Variants in TNFSF4 observed in about 807,000 individuals in gnomAD.
TNFSF4 encodes tumor necrosis factor ligand superfamily member 4.
A neutral mutation model predicts 7.3 loss-of-function variants in TNFSF4; 4 were observed. The observed-to-expected ratio is 0.55, with a 90% CI of 0.27 to 1.25. TNFSF4 has a LOEUF of 1.25. Ranked by LOEUF, TNFSF4 falls within the 50% of genes most tolerant of loss-of-function variation. The probability of loss-of-function intolerance (pLI) is 0.12; values close to 1 mark genes in which losing one functional copy is unlikely to be tolerated. For synonymous variants in TNFSF4, 76 were observed against 83.7 expected (o/e 0.91, Z 0.50); for missense variants, 181 against 208.8 (o/e 0.87, Z 0.82).
At chr1:173,198,504 A>C (rs1204871288) in intron 1 of TNFSF4, among the ~76,000 whole-genome samples, 1 of 152,238 alleles carries the variant, frequency 6.6e-6, no homozygotes, top group African/African-American at 2.4e-5. Context: ...ATAGTAAATG[A>C]GCAACTAAGA....
At chr1:173,303,239 C>G in the TNFSF4 span, among the ~76,000 whole-genome samples, 3 of 151,850 alleles carry the variant, frequency 2.0e-5, no homozygotes, top group Non-Finnish European at 4.4e-5. Flanking sequence ...TCCCACACAT[C>G]TTTCTGCAGC....
the TNFSF4 span, among the ~76,000 whole-genome samples, chr1:173,254,314 G>A: frequency 9.2e-5 from 14 of 152,190 alleles, no homozygotes; most frequent in Non-Finnish European, 1.9e-4. Context: ...ATGGCATACA[G>A]TGGGTTTTGT....
the TNFSF4 span, among the ~76,000 whole-genome samples, chr1:173,274,124 T>TACACACAC: frequency 6.6e-3 from 957 of 145,504 alleles, 15 homozygotes; most frequent in African/African-American, 0.018. Flanking sequence ...TCCATGTTCA[T>TACACACAC]ACACACACAC....
the TNFSF4 span, among the ~76,000 whole-genome samples, chr1:173,394,450 G>A: frequency 2.7e-3 from 412 of 152,212 alleles, 1 homozygote; most frequent in African/African-American, 9.2e-3. Context: ...GTGTCAACTT[G>A]ACTAGATACA....
the TNFSF4 span, among the ~76,000 whole-genome samples, chr1:173,236,913 T>C: frequency 2.0e-5 from 3 of 152,172 alleles, no homozygotes; most frequent in African/African-American, 7.2e-5. Context: ...ATACATGATA[T>C]GGTTGGGTTG....
chr1:173,318,792 A>G, the TNFSF4 span, among the ~76,000 whole-genome samples: 1 of 152,226 alleles, frequency 6.6e-6, no homozygotes, highest in African/African-American at 2.4e-5. Context: ...GAACAGCTCC[A>G]GTCTGCAGCT....
At chr1:173,183,332 G>T (rs781643047), downstream of TNFSF4, among the ~76,000 whole-genome samples, 34 of 152,112 alleles carry the variant, frequency 2.2e-4, no homozygotes, top group Admixed American at 5.2e-4. Flanking sequence ...AGTAGCACAG[G>T]GATCACTGTG....
At chr1:173,406,322 T>C in the TNFSF4 span, among the ~76,000 whole-genome samples, 1 of 152,208 alleles carries the variant, frequency 6.6e-6, no homozygotes, top group Non-Finnish European at 1.5e-5. Context: ...TGTACTCTAT[T>C]CTTGTCTGCC....
the TNFSF4 span, among the ~76,000 whole-genome samples, chr1:173,366,382 G>T: frequency 6.6e-6 from 1 of 152,132 alleles, no homozygotes; most frequent in Non-Finnish European, 1.5e-5. Context: ...AACATTGCAT[G>T]TTCTCACTTA....
the TNFSF4 span, among the ~76,000 whole-genome samples, chr1:173,309,545 G>A: frequency 6.6e-6 from 1 of 151,748 alleles, no homozygotes; most frequent in Non-Finnish European, 1.5e-5. Context: ...ATAACTTGAT[G>A]GGGATATAGT....
the TNFSF4 span, among the ~76,000 whole-genome samples, chr1:173,450,190 T>TA: frequency 6.6e-6 from 1 of 151,936 alleles, no homozygotes; most frequent in Non-Finnish European, 1.5e-5. Flanking sequence ...TTTTTAAAAT[T>TA]AAAAAAAATT....
intron 1 of TNFSF4, among the ~76,000 whole-genome samples, chr1:173,201,225 C>A (rs1017046955): frequency 3.3e-5 from 5 of 152,166 alleles, no homozygotes; most frequent in African/African-American, 9.7e-5. Context: ...CACTTCATAA[C>A]CTCATAAATT....
rs947688802 is a variant in TNFSF4, at chr1:173,186,532, T to G, written c.536A>C (p.Glu179Ala). Reference sequence around the variant, plus strand: ...ATCAGCCCCTCAAAGGACACAGAATTCACCAGGATTTTGATGGATAAGAAT... The same window carrying G: ...ATCAGCCCCTCAAAGGACACAGAATGCACCAGGATTTTGATGGATAAGAAT... ...ELILIHQNPG[E>A]FCVL Residue 179 changes from glutamate to alanine, a missense_variant, in exon 3 of 3, where the codon GAA (glutamate) becomes GCA (alanine). By Grantham distance (107) the Glu-to-Ala change is moderately radical. Coordinates refer to ENST00000281834, the MANE Select transcript of TNFSF4 (RefSeq NM_003326.5). 6.2e-7 allele frequency: 1 copy of G among 1,612,690 alleles called. No individual in the cohort carries two copies. The highest frequency in any genetic ancestry group is 1.7e-4 in the Middle Eastern group (1 of 6,052).
the TNFSF4 span, among the ~76,000 whole-genome samples, chr1:173,341,929 C>T: frequency 3.3e-5 from 5 of 152,166 alleles, no homozygotes; most frequent in African/African-American, 1.2e-4. Context: ...CTCAATGGCT[C>T]CAAGTACCCT....
At chr1:173,206,584 A>G (rs1295121687) in intron 1 of TNFSF4, among the ~76,000 whole-genome samples, 1 of 152,218 alleles carries the variant, frequency 6.6e-6, no homozygotes, top group African/African-American at 2.4e-5. Context: ...TTACAAAGAA[A>G]ATCACCTTGC....
chr1:173,319,550 C>T, the TNFSF4 span, among the ~76,000 whole-genome samples: 1 of 152,218 alleles, frequency 6.6e-6, no homozygotes, highest in Non-Finnish European at 1.5e-5. Flanking sequence ...GACCCCTGTG[C>T]CTCCTGACTG....
the TNFSF4 span, among the ~76,000 whole-genome samples, chr1:173,212,477 C>T: frequency 1.3e-5 from 2 of 151,876 alleles, no homozygotes; most frequent in African/African-American, 4.8e-5. Flanking sequence ...CAGCTGTTTT[C>T]ACCTCTGTGT....
the TNFSF4 span, among the ~76,000 whole-genome samples, chr1:173,430,193 TGAGA>T: frequency 6.6e-6 from 1 of 152,222 alleles, no homozygotes; most frequent in Admixed American, 6.5e-5. Flanking sequence ...CAGGCAGCAC[TGAGA>T]AAGAACAGCT....
chr1:173,292,181 G>GA, the TNFSF4 span, among the ~76,000 whole-genome samples: 2 of 151,090 alleles, frequency 1.3e-5, no homozygotes, highest in African/African-American at 2.4e-5. Flanking sequence ...GAAACACAAG[G>GA]AAAAAAAACT....
Sources: allele counts gnomAD v4.1 joint callset (sites outside exome capture counted in the v4.1 genomes callset), GRCh38; gene constraint gnomAD v4.1.1; transcripts MANE v1.5; gene names NCBI Gene and HGNC (gene_info 2026-07-23, HGNC 2026-07-21).